The following SYTL2 variants were observed in gnomAD, a reference collection of about 807,000 sequenced individuals.
SYTL2 encodes the protein synaptotagmin like 2, also known as synaptotagmin-like protein 2.
Under a neutral mutation model 198.7 loss-of-function variants are expected in SYTL2, and 165 were observed. The ratio of observed to expected loss-of-function variants is 0.83; its 90% CI spans 0.73 to 0.94. The LOEUF is 0.94. Ranked by LOEUF, SYTL2 falls within the 40% of genes least tolerant of loss-of-function variation. The probability of loss-of-function intolerance (pLI) is 0.00; values close to 1 mark genes in which losing one functional copy is unlikely to be tolerated. For missense variants in SYTL2, 2,835 were observed against 2,582.8 expected, an observed-to-expected ratio of 1.10 and a Z score of -2.12; for synonymous variants, 966 against 917.7, an observed-to-expected ratio of 1.05 and a Z score of -0.95.
the SYTL2 span, among the ~76,000 whole-genome samples, chr11:85,838,751 C>A: frequency 6.6e-6 from 1 of 152,094 alleles, no homozygotes; most frequent in African/African-American, 2.4e-5. Flanking sequence ...CTGGGGATTA[C>A]AATTAAACAT....
chr11:85,730,622 C>A (rs1047111707), intron 7 of SYTL2, among the ~76,000 whole-genome samples: 1 of 152,086 alleles, frequency 6.6e-6, no homozygotes, highest in Non-Finnish European at 1.5e-5. Context: ...TTATAACAAA[C>A]CCACAGCCAA....
the SYTL2 span, among the ~76,000 whole-genome samples, chr11:85,844,040 G>C: frequency 6.6e-6 from 1 of 152,166 alleles, no homozygotes; most frequent in East Asian, 1.9e-4. Flanking sequence ...ATAGAAGAAG[G>C]ATTTTTCAAT....
At chr11:85,823,534 C>G in the SYTL2 span, among the ~76,000 whole-genome samples, 1 of 152,208 alleles carries the variant, frequency 6.6e-6, no homozygotes, top group Non-Finnish European at 1.5e-5. Context: ...CTTTAATCCA[C>G]TTTTAAAACA....
In SYTL2 at chr11:85,725,399, G is replaced by A; in HGVS notation, c.3959C>T (p.Ser1320Phe). ...DPTSQLSRKG[S>F]FGDVASPPQD... ...GGGAGGGCTGGCCACATCCCCAAAA[G>A]AACCCTTTCTGGAAAGCTGGGAAGT... The change falls in exon 8 of 20, where the codon TCT (serine) becomes TTT (phenylalanine). Residue 1320 changes from serine (S) to phenylalanine (F), a missense_variant. Transcript: ENST00000359152. The A allele has an allele frequency of 6.2e-7, 1 of 1,614,072 alleles. No homozygotes were observed. The highest frequency in any genetic ancestry group is 8.5e-7 in the Non-Finnish European group (1 of 1,180,020).
Position 85,725,721 on chromosome 11 carries a change from G to A in SYTL2, c.3637C>T (p.Leu1213=). The part of the protein sequence containing the change: ...KVKRNSLTAS[L]DKLLKEATGT... ...GTTGCTTCCTTCAGGAGTTTGTCTA[G>A]ACTAGCAGTCAAAGAGTTCCGTTTA... is the stretch of plus-strand genomic sequence containing the variant. Residue 1213 remains leucine, a synonymous_variant, in exon 8 of 20, where the codon CTA becomes TTA. Transcript: ENST00000359152. The A allele has an allele frequency of 6.2e-7, 1 of 1,614,056 alleles. No individual in the cohort carries two copies. Among genetic ancestry groups the A allele is most frequent in the Non-Finnish European group, 8.5e-7 (1 of 1,179,960 alleles).
At chr11:85,745,561 C>G (rs2091092889) in intron 4 of SYTL2, 76 bp downstream of exon 4, 1 of 1,517,912 alleles carries the variant, frequency 6.6e-7, no homozygotes, top group Non-Finnish European at 9.0e-7. Context: ...GTACTCATAG[C>G]CTGCCATTCT....
chr11:85,733,961 A>T lies in SYTL2; in HGVS notation c.1368T>A (p.Ser456=). 6.2e-7 allele frequency: 1 copy of T among 1,614,066 alleles called. No homozygotes were observed. Among genetic ancestry groups the T allele is most frequent in the Non-Finnish European group, 8.5e-7 (1 of 1,179,920 alleles). Reference sequence around the variant, plus strand: ...TACCAGCAGGGCTTCTGGGTAATACAGATTCAAGCCTTGTTAATTCTGATG... The same window carrying T: ...TACCAGCAGGGCTTCTGGGTAATACTGATTCAAGCCTTGTTAATTCTGATG... ...DKSSELTRLE[S]VLPRSPADEL... is the part of the protein sequence containing the mutation. Residue 456 remains serine (S), a synonymous_variant, in exon 7 of 20, where the codon TCT becomes TCA. Transcript: ENST00000359152.
chr11:85,838,500 C>T, the SYTL2 span, among the ~76,000 whole-genome samples: 1 of 152,104 alleles, frequency 6.6e-6, no homozygotes, highest in East Asian at 1.9e-4. Context: ...AATCATGGTG[C>T]CAGCATCTGC....
In SYTL2 at chr11:85,725,298, C is replaced by G; in HGVS notation, c.4060G>C (p.Glu1354Gln). 1 of 1,614,114 alleles carries G rather than the reference C, an allele frequency of 6.2e-7. No individual in the cohort carries two copies. The highest frequency in any genetic ancestry group is 8.5e-7 in the Non-Finnish European group (1 of 1,180,002). Reference protein sequence around the residue: ...RVHPSQTEISETVEKVILPPR... With the variant: ...RVHPSQTEISQTVEKVILPPR... Reference sequence around the variant, plus strand: ...GGAAGAATGACTTTCTCTACAGTCTCCGAAATTTCCGTTTGAGAAGGGTGT... The same window carrying G: ...GGAAGAATGACTTTCTCTACAGTCTGCGAAATTTCCGTTTGAGAAGGGTGT... Residue 1354 changes from glutamate (E) to glutamine (Q), a missense_variant, in exon 8 of 20, where the codon GAG becomes CAG. This residue lies in a region of SYTL2 where 2,645 missense variants were observed against 2,381.7 expected (regional missense o/e 1.11). Coordinates refer to ENST00000359152, the MANE Select transcript of SYTL2 (RefSeq NM_206927.4).
At chr11:85,746,586 T>G (rs1436248342) in intron 3 of SYTL2, among the ~76,000 whole-genome samples, 1 of 152,208 alleles carries the variant, frequency 6.6e-6, no homozygotes, top group Admixed American at 6.5e-5. Flanking sequence ...CCCAGAATAC[T>G]TTCATCAATA....
chr11:85,719,081 C>A (rs1382326737), intron 9 of SYTL2: 1 of 1,502,328 alleles, frequency 6.7e-7, no homozygotes, highest in Non-Finnish European at 8.9e-7. Flanking sequence ...CACACAGACT[C>A]CCAAGGGTTA....
rs552125332 is a variant in SYTL2, at chr11:85,718,653, T to C, written c.5482+137A>G. ...AATGTACCAAATCAGAACTGTTTTA[T>C]AGTAACTTAGGCACTATTCACCACA... is the stretch of plus-strand genomic sequence containing the variant. On this transcript the variant is annotated intron_variant, in intron 10 of 19. Coordinates refer to ENST00000359152, the MANE Select transcript of SYTL2 (RefSeq NM_206927.4). 10 of 697,388 alleles carry C rather than the reference T, an allele frequency of 1.4e-5. No homozygotes were observed. In the South Asian group the frequency reaches 1.6e-4, roughly 11 times the overall value. The allele number at this position is 697,388 out of a possible 1,614,324, so 43.2% of individuals were successfully genotyped here.
chr11:85,727,574 T>A lies in SYTL2; in HGVS notation c.1784A>T (p.Glu595Val), dbSNP rs2089344959. 2 of 1,536,002 alleles carry A rather than the reference T, an allele frequency of 1.3e-6. No homozygotes were observed. Among genetic ancestry groups the A allele is most frequent in the Non-Finnish European group, 8.7e-7 (1 of 1,146,900 alleles). ...ACTTTCAGAAACCAGCATATCTCCC[T>A]CTGCTTGGAATGGTGAGTCAGATCT... ...PVRSDSPFQA[E>V]GDMLVSESCQ... Residue 595 changes from glutamate to valine, a missense_variant, in exon 8 of 20, where the codon GAG becomes GTG. By Grantham distance (121) the Glu-to-Val change is moderately radical (BLOSUM62 -2). Around this residue, in one of 3 missense-constraint regions of SYTL2, gnomAD observed 2,645 missense variants for 2,381.7 expected, o/e 1.11. Transcript: ENST00000359152.
intron 1 of SYTL2, among the ~76,000 whole-genome samples, chr11:85,773,035 A>G (rs190377014): frequency 2.2e-4 from 33 of 152,306 alleles, no homozygotes; most frequent in South Asian, 6.2e-4. Flanking sequence ...TTCCTTGGGA[A>G]GGTTCCCTTC....
chr11:85,754,882 A>G (rs1380156853), intron 2 of SYTL2, among the ~76,000 whole-genome samples: 1 of 152,160 alleles, frequency 6.6e-6, no homozygotes, highest in Non-Finnish European at 1.5e-5. Context: ...CGATGAGCAG[A>G]ATAGAGCAGA....
chr11:85,701,636 T>C (rs968994316), intron 16 of SYTL2, among the ~76,000 whole-genome samples: 1 of 152,170 alleles, frequency 6.6e-6, no homozygotes, highest in African/African-American at 2.4e-5. Context: ...TAGAAATAAG[T>C]GCTTCAAGTG....
chr11:85,765,016 T>C (rs76495121), intron 1 of SYTL2, among the ~76,000 whole-genome samples: 2 of 152,192 alleles, frequency 1.3e-5, no homozygotes, highest in East Asian at 1.9e-4. Flanking sequence ...TTCTGTGTGG[T>C]CAGAGTCTTC....
At position 85,725,751 on chromosome 11, in the gene SYTL2, T is replaced by G; in HGVS notation, c.3607A>C (p.Lys1203Gln). 4.3e-6 allele frequency: 7 copies of G among 1,614,166 alleles called. No individual in the cohort carries two copies. Among genetic ancestry groups the G allele is most frequent in the Non-Finnish European group, 5.9e-6 (7 of 1,180,012 alleles). The change falls in exon 8 of 20, where the codon AAG becomes CAG. Residue 1203 changes from lysine to glutamine, a missense_variant. Coordinates refer to ENST00000359152, the MANE Select transcript of SYTL2 (RefSeq NM_206927.4). ...GCAGTCAAAGAGTTCCGTTTAACCT[T>G]TGGATGAACTACTGTTTTGTCAACA... ...EHVDKTVVHP[K>Q]VKRNSLTASL...
chr11:85,708,818 C>G (rs1027741707), intron 14 of SYTL2, among the ~76,000 whole-genome samples: 1 of 134,054 alleles, frequency 7.5e-6, no homozygotes, highest in Non-Finnish European at 1.6e-5. Context: ...CAAGTTGAAA[C>G]ATTTTGTGCT....
Sources: allele counts gnomAD v4.1 joint callset (sites outside exome capture counted in the v4.1 genomes callset), GRCh38; gene constraint gnomAD v4.1.1; regional missense constraint gnomAD v4.1.1; transcripts MANE v1.5; gene names NCBI Gene and HGNC (gene_info 2026-07-23, HGNC 2026-07-21).